The following MARCHF11 variants were observed in gnomAD, a reference collection of about 807,000 sequenced individuals.
The protein encoded by MARCHF11 is E3 ubiquitin-protein ligase MARCHF11.
In MARCHF11, 29 loss-of-function variants were observed where a neutral mutation model predicts 37.3. That is an observed-to-expected ratio of 0.78 (90% CI 0.58 to 1.06). The LOEUF (loss-of-function observed/expected upper bound fraction) is 1.06. Among genes scored for constraint, MARCHF11 ranks in the 50% least tolerant of loss-of-function variants. The probability of loss-of-function intolerance (pLI) is 0.00; values close to 1 mark genes in which losing one functional copy is unlikely to be tolerated. For synonymous variants in MARCHF11, 233 were observed against 228.0 expected (o/e 1.02, Z -0.20); for missense variants, 482 against 533.4 (o/e 0.90, Z 0.95).
chr5:16,077,086 A>G (rs1042661063), intron 3 of MARCHF11, among the ~76,000 whole-genome samples: 1 of 152,156 alleles, frequency 6.6e-6, no homozygotes, highest in Non-Finnish European at 1.5e-5. Flanking sequence ...TAACTCTGCA[A>G]CCTCTGATTC....
At chr5:16,070,018 C>T (rs953135748) in intron 3 of MARCHF11, among the ~76,000 whole-genome samples, 11 of 152,150 alleles carry the variant, frequency 7.2e-5, no homozygotes, top group Non-Finnish European at 1.6e-4. Flanking sequence ...ATCTTAAGCC[C>T]AGTTACTATA....
intron 2 of MARCHF11, among the ~76,000 whole-genome samples, chr5:16,156,341 T>G (rs1187622270): frequency 1.3e-5 from 2 of 151,932 alleles, no homozygotes; most frequent in African/African-American, 4.8e-5. Context: ...GTACTACTTT[T>G]CATATCACAG....
intron 2 of MARCHF11, among the ~76,000 whole-genome samples, chr5:16,128,316 C>A (rs186302336): frequency 4.6e-5 from 7 of 152,216 alleles, no homozygotes; most frequent in African/African-American, 1.7e-4. Flanking sequence ...CTGTGAGTGA[C>A]GGAATAACAC....
intron 2 of MARCHF11, among the ~76,000 whole-genome samples, chr5:16,102,521 T>G (rs1481776115): frequency 6.6e-6 from 1 of 152,092 alleles, no homozygotes; most frequent in African/African-American, 2.4e-5. Flanking sequence ...AGTGTCTGAA[T>G]GTCTAGAGAA....
At chr5:16,100,295 C>A (rs148868963) in intron 2 of MARCHF11, among the ~76,000 whole-genome samples, 55 of 152,096 alleles carry the variant, frequency 3.6e-4, no homozygotes, top group African/African-American at 1.3e-3. Context: ...CGGGAGTAGG[C>A]GAGGCTGCCC....
chr5:16,067,461 T>C lies in MARCHF11; in HGVS notation c.*10A>G. 1.2e-6 allele frequency: 2 copies of C among 1,610,864 alleles called. No homozygotes were observed. Among genetic ancestry groups the C allele is most frequent in the Non-Finnish European group, 1.7e-6 (2 of 1,177,348 alleles). The stretch of plus-strand genomic sequence containing the variant: ...CAGGGTGGTCCACACTGCATCATCT[T>C]ATGCTTTTGTCACACTGAAGTCACT... On this transcript the variant is annotated 3_prime_UTR_variant, in exon 4 of 4. Transcript: ENST00000332432.
intron 2 of MARCHF11, among the ~76,000 whole-genome samples, chr5:16,159,358 T>G (rs188772667): frequency 6.6e-6 from 1 of 151,918 alleles, no homozygotes; most frequent in Non-Finnish European, 1.5e-5. Flanking sequence ...CTTCTACCTT[T>G]TGCCACACTT....
intron 2 of MARCHF11, among the ~76,000 whole-genome samples, chr5:16,171,379 GA>G (rs1471965063): frequency 1.3e-5 from 2 of 151,410 alleles, no homozygotes; most frequent in African/African-American, 4.9e-5. Context: ...AATTTTCTAA[GA>G]GGTTGTAAAA....
intron 2 of MARCHF11, among the ~76,000 whole-genome samples, chr5:16,170,072 T>G (rs991094769): frequency 1.3e-5 from 2 of 152,096 alleles, no homozygotes; most frequent in East Asian, 3.9e-4. Flanking sequence ...ATTTTTGAAG[T>G]TATGTTACAA....
intron 2 of MARCHF11, among the ~76,000 whole-genome samples, chr5:16,134,998 T>TCTCTCACACACACACA (rs137865822): frequency 1.4e-5 from 2 of 143,704 alleles, no homozygotes; most frequent in African/African-American, 5.2e-5. Context: ...TCTCTCTCTC[T>TCTCTCACACACACACA]CACACACACA....
chr5:16,090,372 G>T (rs190460544), intron 3 of MARCHF11, among the ~76,000 whole-genome samples: 1 of 152,284 alleles, frequency 6.6e-6, no homozygotes, highest in African/African-American at 2.4e-5. Context: ...GTAAAACAAA[G>T]AGACACAGGC....
At chr5:16,177,436 C>T (rs376468190) in intron 2 of MARCHF11, among the ~76,000 whole-genome samples, 60 of 152,224 alleles carry the variant, frequency 3.9e-4, no homozygotes, top group African/African-American at 1.3e-3. Context: ...AAGTGTGGTA[C>T]AAGTCATTTT....
chr5:16,113,465 A>G (rs1737181365), intron 2 of MARCHF11, among the ~76,000 whole-genome samples: 1 of 152,218 alleles, frequency 6.6e-6, no homozygotes, highest in Admixed American at 6.5e-5. Flanking sequence ...TTTAAAAACT[A>G]GGATTTTACA....
intron 2 of MARCHF11, among the ~76,000 whole-genome samples, chr5:16,102,806 G>A (rs1251585556): frequency 6.6e-6 from 1 of 152,160 alleles, no homozygotes; most frequent in African/African-American, 2.4e-5. Flanking sequence ...GGGCCAGTTT[G>A]GGGTTTGTTC....
At chr5:16,167,863 T>C (rs1001290157) in intron 2 of MARCHF11, among the ~76,000 whole-genome samples, 1 of 152,052 alleles carries the variant, frequency 6.6e-6, no homozygotes, top group Non-Finnish European at 1.5e-5. Flanking sequence ...GTGGTTAACG[T>C]GTTGAATAAA....
At chr5:16,091,503 C>T (rs1736790967) in intron 2 of MARCHF11, among the ~76,000 whole-genome samples, 1 of 152,064 alleles carries the variant, frequency 6.6e-6, no homozygotes, top group African/African-American at 2.4e-5. Flanking sequence ...AGGGAACTGT[C>T]TCTTGTTTTT....
chr5:16,165,850 T>G (rs1475834109), intron 2 of MARCHF11, among the ~76,000 whole-genome samples: 1 of 152,088 alleles, frequency 6.6e-6, no homozygotes, highest in Non-Finnish European at 1.5e-5. Flanking sequence ...CAATCTACTC[T>G]TTGGAAGCAA....
rs73044659 is a variant in MARCHF11 at position 16,127,763 on chromosome 5, A to T, written c.694-36682T>A. Among the ~76,000 whole-genome samples, 469 of 152,264 alleles carry T rather than the reference A, an allele frequency of 3.1e-3. 1 individual carries two copies. Among genetic ancestry groups the T allele is most frequent in the African/African-American group, 9.8e-3 (407 of 41,564 alleles). On this transcript the variant is annotated intron_variant, in intron 2 of 3. Transcript: ENST00000332432. ...AGAAGAGGGGAGAAGAGATGTGCCA[A>T]ATACTCTTGATTAGGCCTCCAGACC...
At chr5:16,091,724 A>C (rs1736793525) in intron 2 of MARCHF11, among the ~76,000 whole-genome samples, 1 of 152,234 alleles carries the variant, frequency 6.6e-6, no homozygotes, top group African/African-American at 2.4e-5. Flanking sequence ...TTGTACCTAC[A>C]TGAAGTATCT....
Sources: allele counts gnomAD v4.1 joint callset (sites outside exome capture counted in the v4.1 genomes callset), GRCh38; gene constraint gnomAD v4.1.1; transcripts MANE v1.5; gene names NCBI Gene and HGNC (gene_info 2026-07-23, HGNC 2026-07-21).